Variants in CSMD1 observed in about 807,000 individuals in gnomAD.
CSMD1 encodes the protein CUB and Sushi multiple domains 1, also known as CUB and sushi domain-containing protein 1.
In CSMD1, 213 loss-of-function variants were observed where a neutral mutation model predicts 417.5. The observed-to-expected ratio is 0.51, with a 90% CI of 0.46 to 0.57. The LOEUF (loss-of-function observed/expected upper bound fraction) is 0.57. Ranked by LOEUF, CSMD1 falls within the 20% of genes least tolerant of loss-of-function variation. CSMD1 has a pLI of 0.00. For missense variants in CSMD1, 6,923 were observed against 4,529.7 expected (o/e 1.53, Z -15.17); for synonymous variants, 2,862 against 1,736.8 (o/e 1.65, Z -16.11).
chr8:3,963,584 TAAAC>T (rs1350660146), intron 5 of CSMD1, among the ~76,000 whole-genome samples: 4 of 152,172 alleles, frequency 2.6e-5, no homozygotes, highest in African/African-American at 7.2e-5. Flanking sequence ...ATCTACTAAG[TAAAC>T]AAAAAATAAA....
chr8:4,453,226 C>A (rs911857148), intron 2 of CSMD1, among the ~76,000 whole-genome samples: 2 of 131,066 alleles, frequency 1.5e-5, no homozygotes, highest in Non-Finnish European at 3.5e-5. Flanking sequence ...GACACACACA[C>A]ACACACACAC....
chr8:4,130,840 TTA>T (rs1212162582), intron 3 of CSMD1, among the ~76,000 whole-genome samples: 3 of 151,272 alleles, frequency 2.0e-5, no homozygotes, highest in Non-Finnish European at 2.9e-5. Context: ...ATGTGCTATA[TTA>T]TATATATATT....
chr8:3,926,634 T>C (rs928833511), intron 5 of CSMD1, among the ~76,000 whole-genome samples: 6 of 151,856 alleles, frequency 4.0e-5, no homozygotes, highest in African/African-American at 7.2e-5. Flanking sequence ...GAAAAGCATA[T>C]TATTAGAAAC....
Position 3,406,006 on chromosome 8 carries a change from G to C in CSMD1, c.2266+21C>G, listed in dbSNP as rs1161518. On this transcript the variant is annotated intron_variant, in intron 15 of 69. Transcript: ENST00000635120. ...ATGTGTGATTTCAAAGGAGAAGAGC[G>C]GGGGGTGGCAGGGACTGCACCTTCA... is the stretch of plus-strand genomic sequence containing the variant. 6.4e-4 allele frequency: 1,025 copies of C among 1,606,026 alleles called. 15 individuals are homozygous for C. The South Asian group carries it at 9.2e-3, about 14-fold the overall frequency.
intron 5 of CSMD1, among the ~76,000 whole-genome samples, chr8:3,852,806 G>A (rs1185423852): frequency 2.6e-5 from 4 of 152,032 alleles, no homozygotes; most frequent in East Asian, 1.9e-4. Context: ...CCAAGCGCAC[G>A]CTTCAACAAT....
chr8:4,854,137 A>AT, intron 1 of CSMD1, among the ~76,000 whole-genome samples: 1 of 152,250 alleles, frequency 6.6e-6, no homozygotes, highest in Non-Finnish European at 1.5e-5. Flanking sequence ...GTGAGTTAAG[A>AT]TTTTGGGGGC....
Position 3,846,239 on chromosome 8 carries a change from G to A in CSMD1, c.819-92197C>T, listed in dbSNP as rs1416425629. ...TTGCCACCAGCATCATCACAGATAC[G>A]TCCACAATGCACCACGCTATGGCAT... is the stretch of plus-strand genomic sequence containing the variant. On this transcript the variant is annotated intron_variant, in intron 5 of 69. Transcript: ENST00000635120. Among the ~76,000 whole-genome samples the A allele has an allele frequency of 4.6e-5, 7 of 152,182 alleles. No individual in the cohort carries two copies. In the East Asian group the frequency reaches 7.7e-4, roughly 17 times the overall value.
At chr8:4,281,106 G>A (rs967068314) in intron 3 of CSMD1, among the ~76,000 whole-genome samples, 21 of 152,182 alleles carry the variant, frequency 1.4e-4, no homozygotes, top group African/African-American at 5.1e-4. Flanking sequence ...AGGATGGTAT[G>A]AGGCCTCTGC....
intron 1 of CSMD1, among the ~76,000 whole-genome samples, chr8:4,741,859 G>T (rs922995350): frequency 6.6e-6 from 1 of 151,796 alleles, no homozygotes; most frequent in Non-Finnish European, 1.5e-5. Flanking sequence ...TTTGAGACAG[G>T]ATCTCACTCT....
intron 3 of CSMD1, among the ~76,000 whole-genome samples, chr8:4,078,616 T>G (rs1289459148): frequency 1.3e-5 from 2 of 151,714 alleles, no homozygotes; most frequent in East Asian, 3.9e-4. Context: ...AATTTTTTTT[T>G]TTTTTAGTTT....
chr8:3,655,428 G>C (rs925041975), intron 7 of CSMD1, among the ~76,000 whole-genome samples: 2 of 152,052 alleles, frequency 1.3e-5, no homozygotes, highest in African/African-American at 4.8e-5. Flanking sequence ...CATTTAATTA[G>C]TTTATAGCAT....
At chr8:3,020,425 G>A (rs893645087) in intron 51 of CSMD1, among the ~76,000 whole-genome samples, 1 of 152,138 alleles carries the variant, frequency 6.6e-6, no homozygotes, top group Non-Finnish European at 1.5e-5. Context: ...AGGGTGCAGT[G>A]GTACAATTGT....
intron 11 of CSMD1, among the ~76,000 whole-genome samples, chr8:3,482,150 T>G (rs1428472142): frequency 3.3e-5 from 5 of 151,892 alleles, no homozygotes; most frequent in Non-Finnish European, 5.9e-5. Flanking sequence ...AATAAAGAAA[T>G]AATAAAATGC....
intron 3 of CSMD1, among the ~76,000 whole-genome samples, chr8:4,206,535 C>G (rs971787893): frequency 2.0e-5 from 3 of 152,074 alleles, no homozygotes; most frequent in African/African-American, 4.8e-5. Context: ...TTATGGCTGC[C>G]TAGTATTCCA....
At chr8:3,875,006 A>G (rs116864198) in intron 5 of CSMD1, among the ~76,000 whole-genome samples, 265 of 151,470 alleles carry the variant, frequency 1.7e-3, no homozygotes, top group Non-Finnish European at 3.2e-3. Context: ...CATCATCTCA[A>G]GAAGAATGGA....
At chr8:3,611,240 A>C (rs1801878463) in intron 8 of CSMD1, among the ~76,000 whole-genome samples, 1 of 102,602 alleles carries the variant, frequency 9.7e-6, no homozygotes, top group Admixed American at 9.8e-5. Context: ...TAATAATAAT[A>C]AAGTTAAATT....
intron 1 of CSMD1, among the ~76,000 whole-genome samples, chr8:4,676,119 G>A (rs1296911172): frequency 2.0e-5 from 3 of 152,132 alleles, no homozygotes; most frequent in Non-Finnish European, 4.4e-5. Context: ...ACACAATTCT[G>A]CTATGCATAA....
At chr8:3,412,095 TATATATACATATATAC>T (rs761637060) in intron 12 of CSMD1, among the ~76,000 whole-genome samples, 14 of 114,314 alleles carry the variant, frequency 1.2e-4, no homozygotes, top group African/African-American at 4.5e-4. Flanking sequence ...TATACACACG[TATATATACATATATAC>T]ATATATACAC....
At chr8:3,839,962 A>C (rs1011571083) in intron 5 of CSMD1, among the ~76,000 whole-genome samples, 6 of 152,222 alleles carry the variant, frequency 3.9e-5, no homozygotes, top group Admixed American at 2.6e-4. Flanking sequence ...TGGAGACTGA[A>C]GCATTGGGTG....
Sources: allele counts gnomAD v4.1 joint callset (sites outside exome capture counted in the v4.1 genomes callset), GRCh38; gene constraint gnomAD v4.1.1; transcripts MANE v1.5; gene names NCBI Gene and HGNC (gene_info 2026-07-23, HGNC 2026-07-21).